The following CADM2 variants were observed in gnomAD, a reference collection of about 807,000 sequenced individuals.
The protein encoded by CADM2 is cell adhesion molecule 2.
A neutral mutation model predicts 49.8 loss-of-function variants in CADM2; 12 were observed. The observed-to-expected ratio is 0.24, with a 90% CI of 0.15 to 0.39. CADM2 has a LOEUF of 0.39. CADM2 is among the 10% of genes least tolerant of loss of function. The pLI is 1.00. For synonymous variants in CADM2, 214 were observed against 175.4 expected (o/e 1.22, Z -1.74); for missense variants, 378 against 492.3 (o/e 0.77, Z 2.20).
At chr3:85,359,150 A>T (rs535048293) in intron 1 of CADM2, among the ~76,000 whole-genome samples, 1 of 152,234 alleles carries the variant, frequency 6.6e-6, no homozygotes, top group African/African-American at 2.4e-5. Context: ...GGAACTCAGT[A>T]TGCTATATTT....
intron 3 of CADM2, among the ~76,000 whole-genome samples, chr3:85,835,551 C>T (rs1298689914): frequency 6.6e-6 from 1 of 150,912 alleles, no homozygotes; most frequent in African/African-American, 2.4e-5. Context: ...CTTTAGAGAA[C>T]TGTAATGCCT....
chr3:85,334,994 A>G (rs747986536), intron 1 of CADM2, among the ~76,000 whole-genome samples: 91 of 151,516 alleles, frequency 6.0e-4, no homozygotes, highest in Admixed American at 1.4e-3. Flanking sequence ...AAAGTAAACT[A>G]GCTCAAAATA....
intron 8 of CADM2, among the ~76,000 whole-genome samples, chr3:86,039,410 T>C (rs1416894168): frequency 6.6e-6 from 1 of 152,172 alleles, no homozygotes; most frequent in Non-Finnish European, 1.5e-5. Flanking sequence ...CCAATGGTCT[T>C]AGCGAACGGC....
At chr3:85,620,834 G>A (rs1165796314) in intron 1 of CADM2, among the ~76,000 whole-genome samples, 7 of 152,028 alleles carry the variant, frequency 4.6e-5, no homozygotes, top group African/African-American at 9.7e-5. Flanking sequence ...TTCTGTGACA[G>A]CACTGTTGGA....
chr3:84,979,342 A>T (rs1654701868), intron 1 of CADM2, among the ~76,000 whole-genome samples: 2 of 152,094 alleles, frequency 1.3e-5, no homozygotes, highest in African/African-American at 4.8e-5. Context: ...GTGTATATTT[A>T]TATATTGGCA....
chr3:85,273,129 C>G (rs750739271), intron 1 of CADM2, among the ~76,000 whole-genome samples: 3 of 151,028 alleles, frequency 2.0e-5, no homozygotes, highest in Non-Finnish European at 1.5e-5. Context: ...AAAAGAGAAG[C>G]GGCAGACTCT....
At chr3:85,295,470 T>C (rs2043933304) in intron 1 of CADM2, among the ~76,000 whole-genome samples, 1 of 152,174 alleles carries the variant, frequency 6.6e-6, no homozygotes. Context: ...TAAATCATGC[T>C]GCTATAAAGA....
chr3:85,518,085 C>T (rs552056462), intron 1 of CADM2, among the ~76,000 whole-genome samples: 4 of 152,120 alleles, frequency 2.6e-5, no homozygotes, highest in East Asian at 1.9e-4. Context: ...CAGCTCACTG[C>T]GATCTCTGCC....
intron 8 of CADM2, 146 bp from the exon 9 acceptor site, chr3:86,065,459 G>T: frequency 9.7e-6 from 7 of 718,980 alleles, no homozygotes; most frequent in Non-Finnish European, 1.5e-5. Context: ...TATTATATTT[G>T]TTCACAGGAT....
intron 1 of CADM2, among the ~76,000 whole-genome samples, chr3:85,366,647 TA>T (rs1440917323): frequency 1.3e-5 from 2 of 152,166 alleles, no homozygotes; most frequent in African/African-American, 4.8e-5. Context: ...ACAAAATTAA[TA>T]AACTAACTTT....
At chr3:85,015,104 CAT>C (rs1290647141) in intron 1 of CADM2, among the ~76,000 whole-genome samples, 4 of 151,636 alleles carry the variant, frequency 2.6e-5, no homozygotes, top group Non-Finnish European at 5.9e-5. Context: ...TACACGTATA[CAT>C]ATATAAGTAT....
intron 2 of CADM2, among the ~76,000 whole-genome samples, chr3:85,744,011 C>A (rs1190878567): frequency 6.6e-6 from 1 of 152,092 alleles, no homozygotes; most frequent in Non-Finnish European, 1.5e-5. Flanking sequence ...CCTCATAGAG[C>A]ATATACTCCA....
intron 1 of CADM2, among the ~76,000 whole-genome samples, chr3:85,295,343 G>A (rs1183625644): frequency 2.0e-5 from 3 of 152,028 alleles, no homozygotes; most frequent in South Asian, 2.1e-4. Context: ...ACTGTTGGTG[G>A]GACTGTAAAC....
rs777884375 is a variant in CADM2, at chr3:85,057,983, CA to C, written c.61+98319del. The stretch of plus-strand genomic sequence containing the variant: ...CCGATGGTAGGTATTAGACATTTTT[CA>C]AAAGCCTTGTCACTCTTAAAATACA... On this transcript the variant is annotated intron_variant, in intron 1 of 9. Coordinates refer to ENST00000383699, the MANE Select transcript of CADM2 (RefSeq NM_001167675.2). Among the ~76,000 whole-genome samples, 5 of 152,238 alleles carry C rather than the reference CA, an allele frequency of 3.3e-5. No homozygotes were observed. In the East Asian group the frequency reaches 7.7e-4, roughly 24 times the overall value.
At chr3:85,450,830 T>C (rs913546739) in intron 1 of CADM2, among the ~76,000 whole-genome samples, 2 of 152,000 alleles carry the variant, frequency 1.3e-5, no homozygotes, top group Non-Finnish European at 2.9e-5. Flanking sequence ...AAATATGAAA[T>C]AAAATAAAAA....
At chr3:85,487,633 GGAC>G (rs2039479578) in intron 1 of CADM2, among the ~76,000 whole-genome samples, 1 of 138,286 alleles carries the variant, frequency 7.2e-6, no homozygotes, top group Admixed American at 7.5e-5. Flanking sequence ...TGGAGGAGGA[GGAC>G]GAAGAGGAGG....
chr3:85,464,067 C>T (rs1283556794), intron 1 of CADM2, among the ~76,000 whole-genome samples: 1 of 152,050 alleles, frequency 6.6e-6, no homozygotes, highest in East Asian at 1.9e-4. Context: ...CAGAAGAGTT[C>T]ACTTTCCCCT....
intron 1 of CADM2, among the ~76,000 whole-genome samples, chr3:85,345,591 C>T (rs1285398272): frequency 6.6e-6 from 1 of 151,982 alleles, no homozygotes; most frequent in African/African-American, 2.4e-5. Context: ...CACAAAATTA[C>T]GAGTCCTGAA....
intron 1 of CADM2, among the ~76,000 whole-genome samples, chr3:85,210,379 A>AT (rs1215356147): frequency 3.3e-5 from 5 of 152,002 alleles, no homozygotes; most frequent in Non-Finnish European, 5.9e-5. Flanking sequence ...ATCAGCTAGC[A>AT]TTTTATTGAA....
Sources: allele counts gnomAD v4.1 joint callset (sites outside exome capture counted in the v4.1 genomes callset), GRCh38; gene constraint gnomAD v4.1.1; transcripts MANE v1.5; gene names NCBI Gene and HGNC (gene_info 2026-07-23, HGNC 2026-07-21).